Variants in NKAIN3 observed in about 807,000 individuals in gnomAD.
NKAIN3 encodes the protein sodium/potassium transporting ATPase interacting 3, also known as sodium/potassium-transporting ATPase subunit beta-1-interacting protein 3.
A neutral mutation model predicts 30.2 loss-of-function variants in NKAIN3; 25 were observed. The observed-to-expected ratio is 0.83, with a 90% confidence interval of 0.60 to 1.16. The LOEUF (loss-of-function observed/expected upper bound fraction) is 1.16. Ranked by LOEUF, NKAIN3 falls within the 50% of genes most tolerant of loss-of-function variation. The pLI, the probability that NKAIN3 is intolerant of heterozygous loss-of-function variation, is 0.00. For missense variants in NKAIN3, 225 were observed against 254.1 expected (o/e 0.89, Z 0.78); for synonymous variants, 91 against 89.6 (o/e 1.02, Z -0.09).
chr8:62,824,043 G>A (rs1275446656), intron 4 of NKAIN3, among the ~76,000 whole-genome samples: 3 of 152,148 alleles, frequency 2.0e-5, no homozygotes, highest in South Asian at 2.1e-4. Context: ...AAGACATCAG[G>A]CAATTCCATG....
At chr8:62,589,293 A>G (rs1306143677) in intron 2 of NKAIN3, among the ~76,000 whole-genome samples, 8 of 151,850 alleles carry the variant, frequency 5.3e-5, no homozygotes, top group Admixed American at 6.6e-5. Flanking sequence ...TTCTTCAAAC[A>G]TGGTCTTCTT....
intron 4 of NKAIN3, among the ~76,000 whole-genome samples, chr8:62,824,743 A>T (rs891099133): frequency 5.3e-5 from 8 of 152,026 alleles, no homozygotes; most frequent in African/African-American, 1.9e-4. Flanking sequence ...TATGGCTCTG[A>T]CCAGTTCTAA....
chr8:62,807,343 G>C (rs1224066080), intron 4 of NKAIN3, among the ~76,000 whole-genome samples: 1 of 151,842 alleles, frequency 6.6e-6, no homozygotes, highest in Non-Finnish European at 1.5e-5. Flanking sequence ...CTCCTCATGT[G>C]CTTATCTTAT....
In NKAIN3 at chr8:62,981,953, A is replaced by G. The variant is rs908719081; in HGVS notation, c.*16546A>G. On this transcript the variant is annotated 3_prime_UTR_variant, in exon 7 of 7. Coordinates refer to ENST00000623646, the MANE Select transcript of NKAIN3 (RefSeq NM_001304533.3). The stretch of plus-strand genomic sequence containing the variant: ...TCTAAATGAAATAATTTTCAAGCAC[A>G]TAACAGATTAGAAACAGAGAATGAG... 1 of 152,216 alleles carries G rather than the reference A, an allele frequency of 6.6e-6. No homozygotes were observed. The highest frequency in any genetic ancestry group is 2.4e-5 in the African/African-American group (1 of 41,470). 9.4% of individuals were successfully genotyped at this position (152,216 alleles called of 1,614,324 possible). A position where few individuals can be genotyped will look rare whatever the true frequency, so the allele number is the denominator to read the frequency against.
At chr8:62,904,646 G>C (rs1791088038) in intron 4 of NKAIN3, among the ~76,000 whole-genome samples, 1 of 152,180 alleles carries the variant, frequency 6.6e-6, no homozygotes, top group African/African-American at 2.4e-5. Flanking sequence ...CTGGAGTTCT[G>C]AAATTCATCC....
chr8:62,814,684 G>A (rs56678461), intron 4 of NKAIN3, among the ~76,000 whole-genome samples: 1,525 of 152,054 alleles, frequency 0.01, 24 homozygotes, highest in African/African-American at 0.034. Context: ...TGAAACCAAC[G>A]AGAACAAAGA....
chr8:62,719,463 G>T (rs1815013431), intron 3 of NKAIN3, among the ~76,000 whole-genome samples: 1 of 152,128 alleles, frequency 6.6e-6, no homozygotes, highest in Non-Finnish European at 1.5e-5. Context: ...GTGTTGACCA[G>T]AACCCTGGTT....
At chr8:62,279,374 TA>T (rs1368363789) in intron 1 of NKAIN3, among the ~76,000 whole-genome samples, 3 of 152,240 alleles carry the variant, frequency 2.0e-5, no homozygotes, top group Non-Finnish European at 4.4e-5. Flanking sequence ...CTCTTTAGTT[TA>T]AATAGATTCC....
At chr8:62,317,378 A>C (rs1814678888) in intron 1 of NKAIN3, among the ~76,000 whole-genome samples, 1 of 152,138 alleles carries the variant, frequency 6.6e-6, no homozygotes, top group Admixed American at 6.5e-5. Flanking sequence ...GGTATTGCCT[A>C]GGTTTTCTTC....
At chr8:62,654,177 AACT>A (rs1812702567) in intron 3 of NKAIN3, among the ~76,000 whole-genome samples, 1 of 151,936 alleles carries the variant, frequency 6.6e-6, no homozygotes, top group African/African-American at 2.4e-5. Context: ...TGCAAAAAAA[AACT>A]ACAATTGAGT....
At chr8:62,451,388 A>C (rs1366693746) in intron 1 of NKAIN3, among the ~76,000 whole-genome samples, 1 of 147,242 alleles carries the variant, frequency 6.8e-6, no homozygotes, top group Admixed American at 7.1e-5. Context: ...TAGGTACTGC[A>C]AAGTCTGTGA....
At chr8:62,761,390 G>A (rs1285296335) in intron 4 of NKAIN3, among the ~76,000 whole-genome samples, 2 of 152,132 alleles carry the variant, frequency 1.3e-5, no homozygotes, top group Non-Finnish European at 2.9e-5. Context: ...CACACTTAGA[G>A]TATGCGAATC....
downstream of NKAIN3, among the ~76,000 whole-genome samples, chr8:62,987,638 C>T (rs12545230): frequency 0.074 from 11,291 of 152,104 alleles, 683 homozygotes; most frequent in East Asian, 0.3. Flanking sequence ...CAGACCTCCC[C>T]CCCATGATTC....
At chr8:62,306,055 A>G (rs1446667644) in intron 1 of NKAIN3, among the ~76,000 whole-genome samples, 1 of 150,462 alleles carries the variant, frequency 6.6e-6, no homozygotes, top group Non-Finnish European at 1.5e-5. Flanking sequence ...ATTTTTGTCT[A>G]TAATAAATTA....
At chr8:62,434,855 G>C (rs577441141) in intron 1 of NKAIN3, among the ~76,000 whole-genome samples, 1 of 152,256 alleles carries the variant, frequency 6.6e-6, no homozygotes, top group African/African-American at 2.4e-5. Context: ...TAGGAGTCCT[G>C]TGGTTAAAAA....
intron 1 of NKAIN3, among the ~76,000 whole-genome samples, chr8:62,270,608 A>G (rs1812749171): frequency 6.6e-6 from 1 of 152,156 alleles, no homozygotes; most frequent in African/African-American, 2.4e-5. Flanking sequence ...TGTATAATAC[A>G]TTATTATTTA....
At chr8:62,253,063 T>G (rs1471663798) in intron 1 of NKAIN3, among the ~76,000 whole-genome samples, 1 of 152,200 alleles carries the variant, frequency 6.6e-6, no homozygotes, top group Non-Finnish European at 1.5e-5. Flanking sequence ...AATGTAACTT[T>G]GGCATGTTCA....
chr8:62,583,348 C>G (rs1333551126), intron 2 of NKAIN3, among the ~76,000 whole-genome samples: 1 of 152,108 alleles, frequency 6.6e-6, no homozygotes, highest in African/African-American at 2.4e-5. Context: ...ATCAACAAGA[C>G]CAACAATCCA....
intron 4 of NKAIN3, among the ~76,000 whole-genome samples, chr8:62,818,584 T>C (rs527963674): frequency 6.6e-6 from 1 of 152,256 alleles, no homozygotes; most frequent in East Asian, 1.9e-4. Context: ...GCAAATTCTT[T>C]TGAAGCACCA....
Sources: gnomAD v4.1 joint callset for allele counts (sites outside exome capture counted in the v4.1 genomes callset) on GRCh38, gnomAD v4.1.1 for gene constraint, MANE v1.5 for transcripts, NCBI Gene and HGNC (gene_info 2026-07-23, HGNC 2026-07-21) for gene names.